FANK1: variants seen among roughly 807,000 people sequenced by gnomAD.
The protein encoded by FANK1 is fibronectin type 3 and ankyrin repeat domains protein 1.
Under a neutral mutation model 45.3 loss-of-function variants are expected in FANK1, and 44 were observed. The ratio of observed to expected loss-of-function variants is 0.97; its 90% CI spans 0.76 to 1.25. The LOEUF (loss-of-function observed/expected upper bound fraction) is 1.25, where lower values mean the gene tolerates loss of function less well. Ranked by LOEUF, FANK1 falls within the 50% of genes most tolerant of loss-of-function variation. The probability of loss-of-function intolerance (pLI) is 0.00; values close to 1 mark genes in which losing one functional copy is unlikely to be tolerated. For missense variants in FANK1, 391 were observed against 424.4 expected (o/e 0.92, Z 0.69); for synonymous variants, 149 against 152.5 (o/e 0.98, Z 0.17).
intron 6 of FANK1, among the ~76,000 whole-genome samples, chr10:126,002,024 G>A (rs1564969015): frequency 6.6e-6 from 1 of 152,010 alleles, no homozygotes; most frequent in East Asian, 1.9e-4. Context: ...TAAAAATCAT[G>A]CAGATAGGCT....
At chr10:125,946,733 G>A (rs1473005663) in intron 1 of FANK1, among the ~76,000 whole-genome samples, 1,722 of 138,562 alleles carry the variant, frequency 0.012, 21 homozygotes, top group Non-Finnish European at 0.02. Flanking sequence ...GCAGGCCAAC[G>A]TTCAGATTCA....
intron 1 of FANK1, among the ~76,000 whole-genome samples, chr10:125,904,227 T>A (rs1945292135): frequency 6.6e-6 from 1 of 152,200 alleles, no homozygotes; most frequent in South Asian, 2.1e-4. Context: ...CCACAATTAT[T>A]ATAAGCAGAA....
intron 6 of FANK1, among the ~76,000 whole-genome samples, chr10:125,999,075 GGTAA>G (rs1952557301): frequency 6.6e-6 from 1 of 152,172 alleles, no homozygotes; most frequent in African/African-American, 2.4e-5. Flanking sequence ...CATACCAGAG[GGTAA>G]GGTATTAGGA....
Position 126,009,388 on chromosome 10 carries a change from T to C in FANK1, c.988T>C (p.Leu330=). ...GTTTATCTAGAGTGTAGTCTCCTTA[T>C]TAGAAGAAAGGAAAAAAAAGCAGAG... The part of the protein sequence containing the change: ...VFDRQSVVSL[L]EERKKKQRPK... The change falls in exon 11 of 11, where the codon TTA becomes CTA. Residue 330 remains leucine (L), a synonymous_variant. Coordinates refer to ENST00000368693, the MANE Select transcript of FANK1 (RefSeq NM_145235.5). 6.2e-7 allele frequency: 1 copy of C among 1,613,956 alleles called. No homozygotes were observed. Among genetic ancestry groups the C allele is most frequent in the South Asian group, 1.1e-5 (1 of 91,062 alleles).
In FANK1 at chr10:125,995,445, C is replaced by G; in HGVS notation, c.345C>G (p.His115Gln). The G allele has an allele frequency of 6.2e-7, 1 of 1,614,142 alleles. No individual in the cohort carries two copies. Among genetic ancestry groups the G allele is most frequent in the Non-Finnish European group, 8.5e-7 (1 of 1,180,014 alleles). Residue 115 changes from histidine to glutamine, a missense_variant, in exon 4 of 11, where the codon CAC (histidine) becomes CAG (glutamine). His to Gln is a conservative substitution (Grantham distance 24). Coordinates refer to ENST00000368693, the MANE Select transcript of FANK1 (RefSeq NM_145235.5). ...TREPISSEHL[H>Q]RAVSVNDEDL... ...AGCCCATAAGTAGTGAGCACTTGCA[C>G]CGGGCTGTCAGTGTGAATGATGAAG... is the stretch of plus-strand genomic sequence containing the variant.
At chr10:125,905,209 A>G (rs1019876480) in intron 1 of FANK1, among the ~76,000 whole-genome samples, 1 of 150,168 alleles carries the variant, frequency 6.7e-6, no homozygotes, top group Non-Finnish European at 1.5e-5. Context: ...AGGTGGGAGG[A>G]TCACTGGAAC....
At position 126,005,020 on chromosome 10, in the gene FANK1, A is replaced by T. The variant is rs763214023; in HGVS notation, c.676A>T (p.Ile226Phe). The change falls in exon 7 of 11, where the codon ATT (isoleucine) becomes TTT (phenylalanine). Residue 226 changes from isoleucine to phenylalanine, a missense_variant. Ile to Phe is a conservative substitution (Grantham distance 21). Coordinates refer to ENST00000368693, the MANE Select transcript of FANK1 (RefSeq NM_145235.5). ...TGCAGATGGAGGCCACTGCAGTGTGATTGAGTGGATGATAAAGGATGGCTG... is the reference window on the plus strand; with the variant it reads ...TGCAGATGGAGGCCACTGCAGTGTGTTTGAGTGGATGATAAAGGATGGCTG... ...WAADGGHCSV[I>F]EWMIKDGCEV... 1 of 1,614,006 alleles carries T rather than the reference A, an allele frequency of 6.2e-7. No individual in the cohort carries two copies. Among genetic ancestry groups the T allele is most frequent in the Non-Finnish European group, 8.5e-7 (1 of 1,179,936 alleles).
Position 125,997,400 on chromosome 10 carries a change from C to G in FANK1, c.474-20C>G, listed in dbSNP as rs371045332. 3.1e-6 allele frequency: 5 copies of G among 1,611,036 alleles called. No individual in the cohort carries two copies. In the African/African-American group the frequency reaches 4.0e-5, roughly 13 times the overall value. ...GATCAAGGTGACTTATCTAGCTACA[C>G]TTAAGTTTGTTTCCTTTAGGCTTGT... On this transcript the variant is annotated intron_variant, in intron 5 of 10. Transcript: ENST00000368693.
chr10:125,997,557 G>A, intron 6 of FANK1, 72 bp downstream of exon 6: 7 of 1,416,372 alleles, frequency 4.9e-6, no homozygotes, highest in Non-Finnish European at 6.8e-6. Flanking sequence ...TGCCCAGAGG[G>A]GTTGTGATTT....
chr10:125,912,519 G>T (rs1335900645), intron 1 of FANK1, among the ~76,000 whole-genome samples: 3 of 151,382 alleles, frequency 2.0e-5, no homozygotes, highest in Non-Finnish European at 4.4e-5. Context: ...GAAAGAAACA[G>T]CTCTCTTAAA....
At chr10:125,998,765 A>G (rs997202646) in intron 6 of FANK1, among the ~76,000 whole-genome samples, 1 of 152,192 alleles carries the variant, frequency 6.6e-6, no homozygotes, top group African/African-American at 2.4e-5. Context: ...GAAAATTTAA[A>G]CCGCCAAGTC....
chr10:125,968,278 T>C (rs1590087887), intron 1 of FANK1, among the ~76,000 whole-genome samples: 1 of 152,122 alleles, frequency 6.6e-6, no homozygotes, highest in Non-Finnish European at 1.5e-5. Flanking sequence ...GTATTTTTGA[T>C]TAATGGTTGC....
At chr10:125,929,383 G>A (rs979416709) in intron 1 of FANK1, among the ~76,000 whole-genome samples, 4 of 152,174 alleles carry the variant, frequency 2.6e-5, no homozygotes, top group Admixed American at 2.6e-4. Context: ...TCTGGTTAAT[G>A]TAGATCCCAG....
chr10:125,899,435 G>A (rs77267970), intron 1 of FANK1, among the ~76,000 whole-genome samples: 3 of 150,372 alleles, frequency 2.0e-5, no homozygotes, highest in East Asian at 3.9e-4. Flanking sequence ...GTTCTCGAAC[G>A]CCTGGCCTCA....
chr10:125,966,430 T>C (rs1390353956), intron 1 of FANK1, among the ~76,000 whole-genome samples: 2 of 152,146 alleles, frequency 1.3e-5, no homozygotes, highest in African/African-American at 4.8e-5. Context: ...AGGCTCCCTC[T>C]GCACCTGCCT....
chr10:125,915,924 A>G lies in FANK1; in HGVS notation c.13+19269A>G, dbSNP rs544993060. 8.5e-5 allele frequency among the ~76,000 whole-genome samples: 13 copies of G among 152,334 alleles called. 1 individual carries two copies. In the South Asian group the frequency reaches 2.5e-3, roughly 29 times the overall value. ...ATTTTCAAACTGCAGGTTGCTGTCTATATTAACTTGACAGTTTGTAATAAC... is the reference window on the plus strand; with the variant it reads ...ATTTTCAAACTGCAGGTTGCTGTCTGTATTAACTTGACAGTTTGTAATAAC... On this transcript the variant is annotated intron_variant, in intron 1 of 10. Coordinates refer to ENST00000368693, the MANE Select transcript of FANK1 (RefSeq NM_145235.5).
chr10:125,994,566 T>TTA (rs1952177608), intron 3 of FANK1: 1 of 985,308 alleles, frequency 1.0e-6, no homozygotes, highest in Non-Finnish European at 1.2e-6. Flanking sequence ...TGCTGGGTAC[T>TTA]TACGATGTGT....
chr10:125,947,814 T>C, intron 1 of FANK1, among the ~76,000 whole-genome samples: 1 of 126,770 alleles, frequency 7.9e-6, no homozygotes, highest in Non-Finnish European at 1.7e-5. Context: ...AATATACATT[T>C]TTTTCAGCAG....
intron 1 of FANK1, chr10:125,972,267 G>A (rs1206634507): frequency 3.9e-5 from 6 of 152,106 alleles, no homozygotes; most frequent in South Asian, 2.1e-4. Flanking sequence ...CATTTCTGTC[G>A]GCTCTTACCA....
Sources: allele counts gnomAD v4.1 joint callset (sites outside exome capture counted in the v4.1 genomes callset), GRCh38; gene constraint gnomAD v4.1.1; transcripts MANE v1.5; gene names NCBI Gene and HGNC (gene_info 2026-07-23, HGNC 2026-07-21).